Variants in MAX observed in about 807,000 individuals in gnomAD.
MAX encodes protein max.
Under a neutral mutation model 22.3 loss-of-function variants are expected in MAX, and 3 were observed. The observed-to-expected ratio is 0.13, with a 90% CI of 0.06 to 0.35. The LOEUF (loss-of-function observed/expected upper bound fraction) is 0.35, where lower values mean the gene tolerates loss of function less well. Ranked by LOEUF, MAX falls within the 10% of genes least tolerant of loss-of-function variation. The pLI, the probability that MAX is intolerant of heterozygous loss-of-function variation, is 1.00. For missense variants in MAX, 119 were observed against 209.4 expected (o/e 0.57, Z 2.66); for synonymous variants, 72 against 77.7 (o/e 0.93, Z 0.39).
rs1460828778 is a variant in MAX, at chr14:65,069,802, G to C, written c.171+23906C>G. Among the ~76,000 whole-genome samples, 1 of 152,258 alleles carries C rather than the reference G, an allele frequency of 6.6e-6. No homozygotes were observed. The highest frequency in any genetic ancestry group is 2.4e-5 in the African/African-American group (1 of 41,474). On this transcript the variant is annotated intron_variant, in intron 3 of 3. Transcript: ENST00000341653. The surrounding 1 kb of genome is among the most constrained non-coding windows in gnomAD (Gnocchi z 4.6). ...CTTGCTCACCACCACTCTCTGCACA[G>C]AGGTCCCTGGATGGGAAACATGGTC...
At chr14:65,052,253 G>GTGGT (rs2062633305) in intron 3 of MAX, among the ~76,000 whole-genome samples, 1 of 152,146 alleles carries the variant, frequency 6.6e-6, no homozygotes, top group Non-Finnish European at 1.5e-5. Flanking sequence ...TATGCCTATA[G>GTGGT]TGGTATAAGT....
intron 3 of MAX, among the ~76,000 whole-genome samples, chr14:65,052,527 C>T (rs1007059026): frequency 6.6e-6 from 1 of 152,098 alleles, no homozygotes; most frequent in African/African-American, 2.4e-5. Flanking sequence ...GTGATTTGTC[C>T]CTCCTTCCCA....
intron 3 of MAX, among the ~76,000 whole-genome samples, chr14:65,092,474 G>A (rs1211297528): frequency 1.3e-5 from 2 of 152,210 alleles, no homozygotes; most frequent in African/African-American, 4.8e-5. Flanking sequence ...CTAAAGGGGT[G>A]AGTCTGTCTC....
intron 3 of MAX, among the ~76,000 whole-genome samples, chr14:65,040,546 T>G (rs1052898643): frequency 6.6e-6 from 1 of 151,200 alleles, no homozygotes; most frequent in Non-Finnish European, 1.5e-5. Context: ...CCTCAAGTGA[T>G]CTTCTTGCCT....
intron 2 of MAX, among the ~76,000 whole-genome samples, chr14:65,100,231 C>A (rs1169006964): frequency 7.0e-6 from 1 of 142,962 alleles, no homozygotes; most frequent in Non-Finnish European, 1.6e-5. Context: ...GCTGGCAGAT[C>A]ACGAGGTTAA....
At chr14:65,046,558 G>A (rs916788636) in intron 3 of MAX, among the ~76,000 whole-genome samples, 2 of 152,204 alleles carry the variant, frequency 1.3e-5, no homozygotes, top group Non-Finnish European at 1.5e-5. Flanking sequence ...GGGTGCCTAT[G>A]AATCTTGGTG....
rs1234245164 is a variant in MAX at position 65,023,736 on chromosome 14, T to C, written c.172-17452A>G. ...GTGGCTGCCTATTGGACAGCACAGA[T>C]GTATCTCATTGCTACTCAAAATGTG... On this transcript the variant is annotated intron_variant, in intron 3 of 3. Coordinates refer to the MAX transcript ENST00000341653. This position sits in a 1 kb window ranked among gnomAD's most constrained non-coding sequence, Gnocchi z 4.1. Among the ~76,000 whole-genome samples the C allele has an allele frequency of 6.6e-6, 1 of 152,188 alleles. No homozygotes were observed. Among genetic ancestry groups the C allele is most frequent in the Non-Finnish European group, 1.5e-5 (1 of 68,038 alleles).
chr14:65,034,021 T>G (rs1017156823), intron 3 of MAX, among the ~76,000 whole-genome samples: 3 of 152,212 alleles, frequency 2.0e-5, no homozygotes, highest in Non-Finnish European at 2.9e-5. Flanking sequence ...GAGATCATGT[T>G]TACTTTTTTG....
In MAX at chr14:65,101,696, C is replaced by T. The variant is rs969910344; in HGVS notation, c.37-124G>A. 3.7e-5 allele frequency: 27 copies of T among 738,500 alleles called. No individual in the cohort carries two copies. The South Asian group carries it at 4.1e-4, about 11-fold the overall frequency. The allele number at this position is 738,500 out of a possible 1,614,324, so 45.7% of individuals were successfully genotyped here. ...GAGGGTGGGGAGTCAGCCCGACACC[C>T]CTTCCTCCCTCCCCACCCCTTGCCC... On this transcript the variant is annotated intron_variant, in intron 1 of 4. Transcript: ENST00000358664.
At chr14:65,090,851 G>C (rs1444089286) in intron 3 of MAX, among the ~76,000 whole-genome samples, 1 of 152,092 alleles carries the variant, frequency 6.6e-6, no homozygotes, top group Non-Finnish European at 1.5e-5. Context: ...AGAAAACAAA[G>C]GGTAAATAGA....
chr14:65,053,694 A>G (rs981434132), intron 3 of MAX, among the ~76,000 whole-genome samples: 2 of 152,218 alleles, frequency 1.3e-5, no homozygotes, highest in Admixed American at 1.3e-4. Context: ...TCAGTGTTGT[A>G]AACAGAGACT....
rs2062965839 is a variant in MAX, at chr14:65,069,639, G to A, written c.171+24069C>T. Among the ~76,000 whole-genome samples, 1 of 152,226 alleles carries A rather than the reference G, an allele frequency of 6.6e-6. No individual in the cohort carries two copies. Among genetic ancestry groups the A allele is most frequent in the Admixed American group, 6.5e-5 (1 of 15,286 alleles). On this transcript the variant is annotated intron_variant, in intron 3 of 3. Transcript: ENST00000341653. The surrounding 1 kb of genome is among the most constrained non-coding windows in gnomAD (Gnocchi z 4.6). Reference sequence around the variant, plus strand: ...GCACAGAGATGAAGGTACATCACAAGGCTGGAGTCCACTGGCACACGCACA... The same window carrying A: ...GCACAGAGATGAAGGTACATCACAAAGCTGGAGTCCACTGGCACACGCACA...
rs1312417949 is a variant in MAX at position 65,077,328 on chromosome 14, C to T, written c.295+585G>A. On this transcript the variant is annotated intron_variant, in intron 4 of 4. Coordinates refer to ENST00000358664, the MANE Select transcript of MAX (RefSeq NM_002382.5). The surrounding 1 kb of genome is among the most constrained non-coding windows in gnomAD (Gnocchi z 6.3). The stretch of plus-strand genomic sequence containing the variant: ...TTTATTTTATTTGAGGTTTTCTAAC[C>T]CAGGTGGTTACTTGCATTTCCTTTT... 3 of 1,575,600 alleles carry T rather than the reference C, an allele frequency of 1.9e-6. No individual in the cohort carries two copies. The highest frequency in any genetic ancestry group is 2.6e-6 in the Non-Finnish European group (3 of 1,145,408).
chr14:65,076,110 G>C lies in MAX; in HGVS notation c.*366C>G. 7.8e-7 allele frequency: 1 copy of C among 1,283,196 alleles called. No homozygotes were observed. The highest frequency in any genetic ancestry group is 2.0e-5 in the South Asian group (1 of 50,900). 79.5% of individuals were successfully genotyped at this position (1,283,196 alleles called of 1,614,324 possible). On this transcript the variant is annotated 3_prime_UTR_variant, in exon 5 of 5. Coordinates refer to ENST00000358664, the MANE Select transcript of MAX (RefSeq NM_002382.5). This position sits in a 1 kb window ranked among gnomAD's most constrained non-coding sequence, Gnocchi z 6.6. ...ACCTGGGCAGGGCAGGCGTCCCCCG[G>C]GCATGTGCCCGGCAGGGCTGGAGGA...
intron 3 of MAX, among the ~76,000 whole-genome samples, chr14:65,065,440 T>G (rs530730529): frequency 6.6e-6 from 1 of 152,186 alleles, no homozygotes; most frequent in Non-Finnish European, 1.5e-5. Context: ...CTCGTCGTTG[T>G]GTGAACATCA....
At chr14:65,059,065 C>T (rs1327778202) in intron 3 of MAX, among the ~76,000 whole-genome samples, 1 of 152,102 alleles carries the variant, frequency 6.6e-6, no homozygotes, top group African/African-American at 2.4e-5. Flanking sequence ...CTCTGTCACT[C>T]ATGCTGGAGT....
At chr14:65,049,660 A>AT (rs2062563508) in intron 3 of MAX, among the ~76,000 whole-genome samples, 2 of 152,298 alleles carry the variant, frequency 1.3e-5, no homozygotes, top group South Asian at 4.1e-4. Flanking sequence ...TCAGACTCTA[A>AT]TTTTAGCCAC....
At chr14:65,101,687 C>T (rs2139967655) in intron 1 of MAX, 115 bp from the exon 2 acceptor site, 1 of 771,800 alleles carries the variant, frequency 1.3e-6, no homozygotes. Context: ...GGGGAGTCAG[C>T]CCGACACCCC....
chr14:65,080,804 GAA>G (rs916760338), intron 3 of MAX, among the ~76,000 whole-genome samples: 1 of 152,208 alleles, frequency 6.6e-6, no homozygotes, highest in African/African-American at 2.4e-5. Flanking sequence ...CACAATCTCT[GAA>G]ACCAGAGAGC....
Sources: gnomAD v4.1 joint callset for allele counts (sites outside exome capture counted in the v4.1 genomes callset) on GRCh38, gnomAD v4.1.1 for gene constraint, Gnocchi (gnomAD v3.1) non-coding constraint, MANE v1.5 for transcripts, NCBI Gene and HGNC (gene_info 2026-07-23, HGNC 2026-07-21) for gene names.